Variants in TRIB1 observed in about 807,000 individuals in gnomAD.
TRIB1 encodes the protein tribbles homolog 1.
A neutral mutation model predicts 27.8 loss-of-function variants in TRIB1; 12 were observed. The observed-to-expected ratio is 0.43, with a 90% CI of 0.28 to 0.70. The LOEUF (loss-of-function observed/expected upper bound fraction) is 0.70, where lower values mean the gene tolerates loss of function less well. Among genes scored for constraint, TRIB1 ranks in the 30% least tolerant of loss-of-function variants. The pLI is 0.18. For missense variants in TRIB1, 475 were observed against 515.8 expected (o/e 0.92, Z 0.77); for synonymous variants, 230 against 224.9 (o/e 1.02, Z -0.20).
chr8:125,433,488 C>T lies in TRIB1; in HGVS notation c.532C>T (p.Arg178Trp), dbSNP rs779326105. 21 of 1,614,110 alleles carry T rather than the reference C, an allele frequency of 1.3e-5. No homozygotes were observed. The highest frequency in any genetic ancestry group is 2.2e-5 in the East Asian group (1 of 44,896). Residue 178 changes from arginine (R) to tryptophan (W), a missense_variant, in exon 2 of 3, where the codon CGG (arginine) becomes TGG (tryptophan). By Grantham distance (101) the Arg-to-Trp change is moderately radical. Transcript: ENST00000311922. The surrounding 1 kb of genome is among the most constrained non-coding windows in gnomAD (Gnocchi z 4.4). ...HSYVRSRKRL[R>W]EEEAARLFKQ... ...CTATGTGCGAAGCCGGAAGAGGCTG[C>T]GGGAAGAGGAAGCCGCCCGGCTCTT... is the stretch of plus-strand genomic sequence containing the variant.
chr8:125,435,963 G>A (rs1814740382), intron 2 of TRIB1, 43 bp from the exon 3 acceptor site: 2 of 1,540,034 alleles, frequency 1.3e-6, no homozygotes, highest in South Asian at 2.4e-5. Flanking sequence ...GTTTTTCATA[G>A]CAGCTGGTGT....
At position 125,431,402 on chromosome 8, in the gene TRIB1, C is replaced by T. The variant is rs148636840; in HGVS notation, c.360+140C>T. 1.5e-3 allele frequency: 1,481 copies of T among 964,832 alleles called. 18 individuals carry two copies. In the African/African-American group the frequency reaches 0.023, roughly 15 times the overall value. 59.8% of individuals were successfully genotyped at this position (964,832 alleles called of 1,614,324 possible). On this transcript the variant is annotated intron_variant, in intron 1 of 2. Transcript: ENST00000311922. ...TTGGGTCAGATAAGACGCCATTTGA[C>T]CAGGTTCACGTTTTTGTGGATCGAG...
At position 125,436,849 on chromosome 8, in the gene TRIB1, A is replaced by T. The variant is rs1814760806; in HGVS notation, c.*378A>T. 1 of 238,764 alleles carries T rather than the reference A, an allele frequency of 4.2e-6. No homozygotes were observed. The highest frequency in any genetic ancestry group is 2.3e-5 in the African/African-American group (1 of 43,988). The allele number at this position is 238,764 out of a possible 1,614,324, so 14.8% of individuals were successfully genotyped here. On this transcript the variant is annotated 3_prime_UTR_variant, in exon 3 of 3. Coordinates refer to ENST00000311922, the MANE Select transcript of TRIB1 (RefSeq NM_025195.4). Reference sequence around the variant, plus strand: ...CGCACAATGACATATTTTGAGTAATAACCGTATTTTTCACAGGGTGACAAA... The same window carrying T: ...CGCACAATGACATATTTTGAGTAATTACCGTATTTTTCACAGGGTGACAAA...
chr8:125,430,887 C>A lies in TRIB1; in HGVS notation c.-16C>A, dbSNP rs1814642196. On this transcript the variant is annotated 5_prime_UTR_variant, in exon 1 of 3. Coordinates refer to ENST00000311922, the MANE Select transcript of TRIB1 (RefSeq NM_025195.4). Reference sequence around the variant, plus strand: ...CCGGGACTTAAAAAGCCGGGGCCACCCCGGCCCAGGACGGGATGCGGGTCG... The same window carrying A: ...CCGGGACTTAAAAAGCCGGGGCCACACCGGCCCAGGACGGGATGCGGGTCG... 2.1e-6 allele frequency: 3 copies of A among 1,400,028 alleles called. No homozygotes were observed. The highest frequency in any genetic ancestry group is 1.8e-6 in the Non-Finnish European group (2 of 1,084,520). The allele number at this position is 1,400,028 out of a possible 1,614,324, so 86.7% of individuals were successfully genotyped here. A position where few individuals can be genotyped will look rare whatever the true frequency, so the allele number is the denominator to read the frequency against.
rs1358511996 is a variant in TRIB1, at chr8:125,430,690, C to T, written c.-213C>T. 40 of 555,920 alleles carry T rather than the reference C, an allele frequency of 7.2e-5. No homozygotes were observed. The highest frequency in any genetic ancestry group is 1.1e-4 in the Non-Finnish European group (39 of 362,454). 34.4% of individuals were successfully genotyped at this position (555,920 alleles called of 1,614,324 possible). A position where few individuals can be genotyped will look rare whatever the true frequency, so the allele number is the denominator to read the frequency against. ...GTCCGGGGACTCGAGCCGGCCTCCG[C>T]CTCCCGGACGCACAGCCAGCGTGGT... On this transcript the variant is annotated 5_prime_UTR_variant, in exon 1 of 3. Coordinates refer to ENST00000311922, the MANE Select transcript of TRIB1 (RefSeq NM_025195.4).
At chr8:125,431,883 C>G (rs535630106) in intron 1 of TRIB1, among the ~76,000 whole-genome samples, 146 of 152,326 alleles carry the variant, frequency 9.6e-4, no homozygotes, top group African/African-American at 3.4e-3. Flanking sequence ...AAGCCCACAC[C>G]GGCCAGGAAC....
chr8:125,431,024 C>G lies in TRIB1; in HGVS notation c.122C>G (p.Ala41Gly). Residue 41 changes from alanine (A) to glycine (G), a missense_variant, in exon 1 of 3, where the codon GCG becomes GGG. Coordinates refer to ENST00000311922, the MANE Select transcript of TRIB1 (RefSeq NM_025195.4). ...AKRLLDADDA[A>G]AVAAKCPRLS... ...CGCCTGCTGGACGCCGACGACGCGG[C>G]GGCTGTGGCGGCCAAGTGCCCGCGC... 6.8e-7 allele frequency: 1 copy of G among 1,460,526 alleles called. No homozygotes were observed. Among genetic ancestry groups the G allele is most frequent in the Non-Finnish European group, 9.0e-7 (1 of 1,114,230 alleles). 90.5% of individuals were successfully genotyped at this position (1,460,526 alleles called of 1,614,324 possible).
rs538448003 is a variant in TRIB1, at chr8:125,431,606, AC to A, written c.360+351del. 1.6e-3 allele frequency among the ~76,000 whole-genome samples: 239 copies of A among 147,712 alleles called. 2 individuals are homozygous for A. Among genetic ancestry groups the A allele is most frequent in the Admixed American group, 3.9e-3 (58 of 14,910 alleles). On this transcript the variant is annotated intron_variant, in intron 1 of 2. Coordinates refer to ENST00000311922, the MANE Select transcript of TRIB1 (RefSeq NM_025195.4). ...CCTTCTCTCATTCTCCTCGCTCTCC[AC>A]CCCCCCTCCCCCGCCAATGTCCTGG...
chr8:125,435,708 C>T (rs1216509552), intron 2 of TRIB1, among the ~76,000 whole-genome samples: 1 of 152,234 alleles, frequency 6.6e-6, no homozygotes, highest in African/African-American at 2.4e-5. Flanking sequence ...TAGTAAATTG[C>T]GTAACTCCTA....
Position 125,436,373 on chromosome 8 carries a change from G to A in TRIB1, c.1021G>A (p.Val341Ile), listed in dbSNP as rs142512119. The stretch of plus-strand genomic sequence containing the variant: ...CCTACTGCACCCCTGGTTTGAGTCC[G>A]TCTTGGAACCCGGGTACATCGACTC... ...EILLHPWFES[V>I]LEPGYIDSEI... The change falls in exon 3 of 3, where the codon GTC becomes ATC. Residue 341 changes from valine (V) to isoleucine (I), a missense_variant. Val to Ile is a conservative substitution (Grantham distance 29). Transcript: ENST00000311922. The A allele has an allele frequency of 2.5e-4, 396 of 1,613,580 alleles. 3 individuals carry two copies. The highest frequency in any genetic ancestry group is 2.2e-3 in the African/African-American group (162 of 74,828).
intron 2 of TRIB1, 121 bp from the exon 3 acceptor site, chr8:125,435,885 A>T (rs1814739406): frequency 1.3e-6 from 1 of 789,824 alleles, no homozygotes; most frequent in Non-Finnish European, 2.0e-6. Flanking sequence ...TTACTGGACG[A>T]AGGGGTAAAT....
intron 1 of TRIB1, chr8:125,432,436 C>A: frequency 3.2e-6 from 1 of 311,782 alleles, no homozygotes; most frequent in Non-Finnish European, 4.7e-6. Context: ...GTGAGTCTGG[C>A]CATTGTGCAA....
At chr8:125,435,331 C>T (rs1288141881) in intron 2 of TRIB1, among the ~76,000 whole-genome samples, 2 of 152,096 alleles carry the variant, frequency 1.3e-5, no homozygotes, top group South Asian at 2.1e-4. Flanking sequence ...TTTGTTTGCT[C>T]GCATAACCTC....
rs1402033843 is a variant in TRIB1 at position 125,436,596 on chromosome 8, G to A, written c.*125G>A. 13 of 889,494 alleles carry A rather than the reference G, an allele frequency of 1.5e-5. No homozygotes were observed. The highest frequency in any genetic ancestry group is 2.4e-4 in the Middle Eastern group (1 of 4,084). 55.1% of individuals were successfully genotyped at this position (889,494 alleles called of 1,614,324 possible). A position where few individuals can be genotyped will look rare whatever the true frequency, so the allele number is the denominator to read the frequency against. On this transcript the variant is annotated 3_prime_UTR_variant, in exon 3 of 3. Coordinates refer to ENST00000311922, the MANE Select transcript of TRIB1 (RefSeq NM_025195.4). ...CATCAGGATGAAAGCTGCTGAACTC[G>A]GCATGGCGCCTCCTCTTCTCTGTTG...
At position 125,430,816 on chromosome 8, in the gene TRIB1, A is replaced by G; in HGVS notation, c.-87A>G. 7.5e-7 allele frequency: 1 copy of G among 1,331,220 alleles called. No homozygotes were observed. Among genetic ancestry groups the G allele is most frequent in the Non-Finnish European group, 9.6e-7 (1 of 1,042,766 alleles). 82.5% of individuals were successfully genotyped at this position (1,331,220 alleles called of 1,614,324 possible). A position where few individuals can be genotyped will look rare whatever the true frequency, so the allele number is the denominator to read the frequency against. On this transcript the variant is annotated 5_prime_UTR_variant, in exon 1 of 3. Transcript: ENST00000311922. Reference sequence around the variant, plus strand: ...AAACTCCATCCCGCCGGCTGGAAGAAGTCGCGGAGCCGGCACCAAACCCGC... The same window carrying G: ...AAACTCCATCCCGCCGGCTGGAAGAGGTCGCGGAGCCGGCACCAAACCCGC...
Position 125,430,553 on chromosome 8 carries a change from C to A in TRIB1, c.-350C>A. Reference sequence around the variant, plus strand: ...ATCCTGTCCTCGCGGCTCGGGACCCCGGGATCGCTGACCGCTGCCGCCGCC... The same window carrying A: ...ATCCTGTCCTCGCGGCTCGGGACCCAGGGATCGCTGACCGCTGCCGCCGCC... On this transcript the variant is annotated 5_prime_UTR_variant, in exon 1 of 3. Coordinates refer to ENST00000311922, the MANE Select transcript of TRIB1 (RefSeq NM_025195.4). 1 of 224,406 alleles carries A rather than the reference C, an allele frequency of 4.5e-6. No individual in the cohort carries two copies. The highest frequency in any genetic ancestry group is 1.2e-4 in the South Asian group (1 of 8,012). 13.9% of individuals were successfully genotyped at this position (224,406 alleles called of 1,614,324 possible). A position where few individuals can be genotyped will look rare whatever the true frequency, so the allele number is the denominator to read the frequency against.
At chr8:125,432,312 C>A in intron 1 of TRIB1, 1 of 942,586 alleles carries the variant, frequency 1.1e-6, no homozygotes, top group Non-Finnish European at 1.2e-6. Flanking sequence ...AAGAGCTGTT[C>A]TGGGACAAGC....
Position 125,436,087 on chromosome 8 carries a change from C to T in TRIB1, c.735C>T (p.Cys245=). ...EDDALSDKHG[C]PAYVSPEILN... is the part of the protein sequence containing the mutation. The stretch of plus-strand genomic sequence containing the variant: ...ATGCTTTGTCAGACAAACATGGCTG[C>T]CCAGCCTACGTGAGCCCTGAGATCC... The change falls in exon 3 of 3, where the codon TGC becomes TGT. Residue 245 remains cysteine (C), a synonymous_variant. Coordinates refer to ENST00000311922, the MANE Select transcript of TRIB1 (RefSeq NM_025195.4). The T allele has an allele frequency of 6.2e-7, 1 of 1,614,104 alleles. No individual in the cohort carries two copies. Among genetic ancestry groups the T allele is most frequent in the Middle Eastern group, 1.6e-4 (1 of 6,062 alleles).
rs7815286 is a variant in TRIB1 at position 125,430,566 on chromosome 8, C to G, written c.-337C>G. The G allele has an allele frequency of 5.7e-4, 135 of 238,762 alleles. No homozygotes were observed. The highest frequency in any genetic ancestry group is 2.8e-3 in the African/African-American group (124 of 44,518). The allele number at this position is 238,762 out of a possible 1,614,324, so 14.8% of individuals were successfully genotyped here. A position where few individuals can be genotyped will look rare whatever the true frequency, so the allele number is the denominator to read the frequency against. ...GGCTCGGGACCCCGGGATCGCTGAC[C>G]GCTGCCGCCGCCGCCTCTGCCTCCC... On this transcript the variant is annotated 5_prime_UTR_variant, in exon 1 of 3. Coordinates refer to ENST00000311922, the MANE Select transcript of TRIB1 (RefSeq NM_025195.4).
Sources: allele counts gnomAD v4.1 joint callset (sites outside exome capture counted in the v4.1 genomes callset), GRCh38; gene constraint gnomAD v4.1.1; non-coding constraint Gnocchi (gnomAD v3.1); transcripts MANE v1.5; gene names NCBI Gene and HGNC (gene_info 2026-07-23, HGNC 2026-07-21).